The following MASTL variants were observed in gnomAD, a reference collection of about 807,000 sequenced individuals.
MASTL encodes the protein microtubule associated serine/threonine kinase like, also known as serine/threonine-protein kinase greatwall.
A neutral mutation model predicts 82.5 loss-of-function variants in MASTL; 54 were observed. That is an observed-to-expected ratio of 0.65 (90% CI 0.53 to 0.82). MASTL has a LOEUF of 0.82. MASTL is among the 40% of genes least tolerant of loss of function. The probability of loss-of-function intolerance (pLI) is 0.00; values close to 1 mark genes in which losing one functional copy is unlikely to be tolerated. For missense variants in MASTL, 950 were observed against 1,047.8 expected, an observed-to-expected ratio of 0.91 and a Z score of 1.29; for synonymous variants, 323 against 368.9, an observed-to-expected ratio of 0.88 and a Z score of 1.43.
At chr10:27,168,939 C>G (rs989642514) in intron 7 of MASTL, among the ~76,000 whole-genome samples, 6 of 152,134 alleles carry the variant, frequency 3.9e-5, no homozygotes, top group African/African-American at 1.4e-4. Flanking sequence ...AAGACTCACT[C>G]TACTTGACTA....
At chr10:27,183,881 T>C (rs1456075334) in intron 11 of MASTL, among the ~76,000 whole-genome samples, 1 of 152,082 alleles carries the variant, frequency 6.6e-6, no homozygotes, top group Non-Finnish European at 1.5e-5. Context: ...CCAGCTAATT[T>C]TTGTATTTTT....
Position 27,155,498 on chromosome 10 carries a change from C to G in MASTL, c.72C>G (p.Ile24Met), listed in dbSNP as rs768144021. 4 of 1,614,168 alleles carry G rather than the reference C, an allele frequency of 2.5e-6. No homozygotes were observed. In the South Asian group the frequency reaches 4.4e-5, roughly 18 times the overall value. The stretch of plus-strand genomic sequence containing the variant: ...CGACTGAGGAGGGCGTGAATAGGAT[C>G]GCAGTGCCAAAACCGCCCTCCATTG... ...GAATEEGVNR[I>M]AVPKPPSIEE... is the part of the protein sequence containing the mutation. Residue 24 changes from isoleucine (I) to methionine (M), a missense_variant, in exon 1 of 12, where the codon ATC becomes ATG. Physicochemically the swap from Ile to Met is conservative, Grantham distance 10 (BLOSUM62 1). Transcript: ENST00000375940.
At chr10:27,171,312 C>T (rs990547167) in intron 8 of MASTL, among the ~76,000 whole-genome samples, 1 of 151,906 alleles carries the variant, frequency 6.6e-6, no homozygotes, top group African/African-American at 2.4e-5. Context: ...TATGTACTTT[C>T]CTAAGAAAAT....
intron 7 of MASTL, among the ~76,000 whole-genome samples, chr10:27,169,581 A>G (rs566777931): frequency 6.6e-6 from 1 of 151,866 alleles, no homozygotes; most frequent in East Asian, 1.9e-4. Context: ...AAAAAAAAAA[A>G]CAGAATCATC....
chr10:27,173,738 GC>G (rs2058021865), intron 9 of MASTL, among the ~76,000 whole-genome samples: 1 of 151,832 alleles, frequency 6.6e-6, no homozygotes, highest in Admixed American at 6.6e-5. Context: ...CCACCATCAT[GC>G]CCGCCTAATT....
intron 1 of MASTL, among the ~76,000 whole-genome samples, chr10:27,156,940 T>C (rs932699021): frequency 6.6e-6 from 1 of 150,542 alleles, no homozygotes; most frequent in African/African-American, 2.5e-5. Context: ...TCCCGAGTAG[T>C]TGGGATTCCC....
At chr10:27,155,313 G>C (rs2057314982), upstream of MASTL, 2 of 1,058,754 alleles carry the variant, frequency 1.9e-6, no homozygotes, top group Middle Eastern at 3.1e-4. Context: ...CGCGGCGGCG[G>C]GGTGACGTCA....
intron 6 of MASTL, 112 bp from the exon 7 acceptor site, chr10:27,166,972 TGATATGTAATTCTTAATA>T: frequency 1.5e-6 from 1 of 662,644 alleles, no homozygotes; most frequent in Non-Finnish European, 2.6e-6. Flanking sequence ...GAAATAGTTC[TGATATGTAATTCTTAATA>T]CATATTAATA....
At chr10:27,162,471 C>A (rs1360732471) in intron 4 of MASTL, among the ~76,000 whole-genome samples, 1 of 152,170 alleles carries the variant, frequency 6.6e-6, no homozygotes, top group South Asian at 2.1e-4. Flanking sequence ...GAGTTCTAGA[C>A]TAGCCTGGCC....
intron 9 of MASTL, chr10:27,177,813 C>T: frequency 4.1e-6 from 4 of 971,932 alleles, no homozygotes; most frequent in Non-Finnish European, 4.9e-6. Flanking sequence ...TTTCTGACTT[C>T]CGGTGAGTGA....
intron 11 of MASTL, among the ~76,000 whole-genome samples, chr10:27,183,602 T>C (rs1322434412): frequency 6.6e-6 from 1 of 152,096 alleles, no homozygotes; most frequent in East Asian, 1.9e-4. Context: ...GAGAAAAGCA[T>C]TACGTCCCAA....
rs140217849 is a variant in MASTL at position 27,155,496 on chromosome 10, A to T, written c.70A>T (p.Ile24Phe). The T allele has an allele frequency of 6.2e-7, 1 of 1,614,194 alleles. No homozygotes were observed. The highest frequency in any genetic ancestry group is 8.5e-7 in the Non-Finnish European group (1 of 1,180,028). The change falls in exon 1 of 12, where the codon ATC becomes TTC. Residue 24 changes from isoleucine to phenylalanine, a missense_variant. Transcript: ENST00000375940. ...GGCGACTGAGGAGGGCGTGAATAGG[A>T]TCGCAGTGCCAAAACCGCCCTCCAT... is the stretch of plus-strand genomic sequence containing the variant. ...GAATEEGVNR[I>F]AVPKPPSIEE... is the part of the protein sequence containing the mutation.
intron 9 of MASTL, among the ~76,000 whole-genome samples, chr10:27,173,502 G>A (rs374977722): frequency 1.3e-5 from 2 of 151,956 alleles, no homozygotes; most frequent in Non-Finnish European, 1.5e-5. Flanking sequence ...TTGCCTTCTG[G>A]TTCAGTCTCA....
chr10:27,164,749 T>A (rs184078095), intron 4 of MASTL, among the ~76,000 whole-genome samples: 134 of 152,072 alleles, frequency 8.8e-4, no homozygotes, highest in Middle Eastern at 3.4e-3. Flanking sequence ...GTGATTCTCC[T>A]GCCTCAGCCT....
intron 9 of MASTL, among the ~76,000 whole-genome samples, chr10:27,180,356 T>C (rs919034629): frequency 6.6e-6 from 1 of 150,798 alleles, no homozygotes; most frequent in Non-Finnish European, 1.5e-5. Context: ...ATGCCAAGGT[T>C]GCAGTGAGCT....
intron 1 of MASTL, among the ~76,000 whole-genome samples, chr10:27,156,277 G>A (rs914620291): frequency 5.3e-5 from 8 of 152,188 alleles, no homozygotes; most frequent in Non-Finnish European, 1.0e-4. Flanking sequence ...GCCCGCCTCG[G>A]CCTCCCAAAG....
rs146593151 is a variant in MASTL at position 27,155,426 on chromosome 10, G to A, written c.-1G>A. ...GCGGGGCCGCTGTATGCTGTCCAGCGATGGATCCCACCGCGGGAAGCAAGA... is the reference window on the plus strand; with the variant it reads ...GCGGGGCCGCTGTATGCTGTCCAGCAATGGATCCCACCGCGGGAAGCAAGA... On this transcript the variant is annotated 5_prime_UTR_variant, in exon 1 of 12. Transcript: ENST00000375940. 6.2e-6 allele frequency: 10 copies of A among 1,607,308 alleles called. No homozygotes were observed. Among genetic ancestry groups the A allele is most frequent in the Non-Finnish European group, 8.5e-6 (10 of 1,177,692 alleles).
At chr10:27,185,285 C>T (rs934204068) in intron 11 of MASTL, among the ~76,000 whole-genome samples, 2 of 152,122 alleles carry the variant, frequency 1.3e-5, no homozygotes, top group African/African-American at 4.8e-5. Context: ...GAAGGTTTAT[C>T]AAGGAGCAGA....
In MASTL at chr10:27,181,530, G is replaced by T. The variant is rs1211384073; in HGVS notation, c.2431G>T (p.Ala811Ser). 2.5e-6 allele frequency: 4 copies of T among 1,613,260 alleles called. No individual in the cohort carries two copies. Among genetic ancestry groups the T allele is most frequent in the Non-Finnish European group, 3.4e-6 (4 of 1,179,372 alleles). The change falls in exon 11 of 12, where the codon GCA becomes TCA. Residue 811 changes from alanine to serine, a missense_variant. Transcript: ENST00000375940. ...EEKLSDNAQS[A>S]VEILLTIDDT... ...AAAGTTATCTGATAATGCTCAAAGT[G>T]CAGTAGAAATACTTTTAACCATTGA...
Sources: allele counts gnomAD v4.1 joint callset (sites outside exome capture counted in the v4.1 genomes callset), GRCh38; gene constraint gnomAD v4.1.1; transcripts MANE v1.5; gene names NCBI Gene and HGNC (gene_info 2026-07-23, HGNC 2026-07-21).